Variants in OPHN1 observed in about 807,000 individuals in gnomAD.
The protein encoded by OPHN1 is oligophrenin 1.
A neutral mutation model predicts 60.7 loss-of-function variants in OPHN1; 11 were observed. The observed-to-expected ratio is 0.18, with a 90% CI of 0.11 to 0.30. The LOEUF is 0.30. Among genes scored for constraint, OPHN1 ranks in the 10% least tolerant of loss-of-function variants. The pLI, the probability that OPHN1 is intolerant of heterozygous loss-of-function variation, is 1.00. For synonymous variants in OPHN1, 226 were observed against 222.6 expected (o/e 1.02, Z -0.14); for missense variants, 449 against 611.0 (o/e 0.73, Z 2.80).
chrX:68,213,231 T>G (rs1015753819), intron 7 of OPHN1, among the ~76,000 whole-genome samples: 2 of 110,894 alleles, frequency 1.8e-5, no homozygotes, highest in African/African-American at 6.6e-5. Context: ...ATTAGCTCGG[T>G]ATGGAGGCAT....
intron 10 of OPHN1, among the ~76,000 whole-genome samples, chrX:68,202,411 G>A (rs1018040672): frequency 9.0e-6 from 1 of 111,520 alleles, no homozygotes; most frequent in Admixed American, 9.5e-5. Context: ...GTCTCACCTT[G>A]TTCAGATTCC....
At chrX:68,106,121 A>AGG (rs1206909287) in intron 18 of OPHN1, among the ~76,000 whole-genome samples, 32 of 102,826 alleles carry the variant, frequency 3.1e-4, no homozygotes, top group African/African-American at 1.1e-3. Flanking sequence ...AGAGAGAGAG[A>AGG]GAGATCCGAA....
intron 3 of OPHN1, among the ~76,000 whole-genome samples, chrX:68,287,610 T>C (rs2078051155): frequency 8.9e-6 from 1 of 112,079 alleles, no homozygotes; most frequent in Admixed American, 9.5e-5. Flanking sequence ...TTCACACCCA[T>C]TCTACCCTCA....
chrX:68,145,787 GCTCA>G (rs1352215554), intron 15 of OPHN1, among the ~76,000 whole-genome samples: 1 of 111,802 alleles, frequency 8.9e-6, no homozygotes, highest in Non-Finnish European at 1.9e-5. Flanking sequence ...TCCTTCTACA[GCTCA>G]CTTTGTTTAG....
intron 2 of OPHN1, among the ~76,000 whole-genome samples, chrX:68,427,749 A>G (rs1471299611): frequency 1.8e-5 from 2 of 109,949 alleles, no homozygotes; most frequent in Non-Finnish European, 3.8e-5. Context: ...CCAGACTTGT[A>G]GAGCTGTATC....
chrX:68,406,210 A>G (rs1375169641), intron 2 of OPHN1, among the ~76,000 whole-genome samples: 1 of 111,531 alleles, frequency 9.0e-6, no homozygotes, highest in African/African-American at 3.3e-5. Context: ...TTTCTGGGTC[A>G]GAAAATAAAA....
intron 6 of OPHN1, among the ~76,000 whole-genome samples, chrX:68,214,778 C>T (rs1408846796): frequency 9.0e-6 from 1 of 111,498 alleles, no homozygotes; most frequent in Non-Finnish European, 1.9e-5. Flanking sequence ...GGGTAGATCA[C>T]CTGAGGTCAG....
chrX:68,133,315 T>TCAGG, intron 15 of OPHN1: 1 of 622,269 alleles, frequency 1.6e-6, no homozygotes, highest in Non-Finnish European at 2.7e-6. Context: ...AAGACAAGAT[T>TCAGG]CAGGAGGAGT....
chrX:68,329,045 G>A (rs1602330858), intron 2 of OPHN1, among the ~76,000 whole-genome samples: 1 of 111,693 alleles, frequency 9.0e-6, no homozygotes, highest in East Asian at 2.8e-4. Context: ...AGCCTCCCAA[G>A]TGACTGGGAT....
intron 20 of OPHN1, among the ~76,000 whole-genome samples, chrX:68,068,315 C>CA (rs2076920393): frequency 9.2e-6 from 1 of 108,537 alleles, no homozygotes; most frequent in East Asian, 2.9e-4. Context: ...ACTAAAAATA[C>CA]AAAAAATTAG....
chrX:68,071,146 G>T, intron 20 of OPHN1: 2 of 813,191 alleles, frequency 2.5e-6, no homozygotes, highest in Non-Finnish European at 1.9e-6. Context: ...ACCCAGAATG[G>T]CCAGGAAGGG....
chrX:68,131,562 T>C lies in OPHN1; in HGVS notation c.1277-12230A>G, dbSNP rs746124820. 3.6e-5 allele frequency among the ~76,000 whole-genome samples: 4 copies of C among 112,098 alleles called. No individual in the cohort carries two copies. In the East Asian group the frequency reaches 1.1e-3, roughly 31 times the overall value. On this transcript the variant is annotated intron_variant, in intron 15 of 24. Transcript: ENST00000355520. Reference sequence around the variant, plus strand: ...AAAAGCCATTCTCCAAATAAAGATATGGCAATTATGAATATCTGTGCATAA... The same window carrying C: ...AAAAGCCATTCTCCAAATAAAGATACGGCAATTATGAATATCTGTGCATAA...
chrX:68,413,976 C>T (rs765447013), intron 2 of OPHN1, among the ~76,000 whole-genome samples: 16 of 111,499 alleles, frequency 1.4e-4, no homozygotes, highest in Non-Finnish European at 2.6e-4. Flanking sequence ...AGGCAGTAGA[C>T]CAGGTCCCAT....
At chrX:68,241,853 G>A (rs1304537816) in intron 5 of OPHN1, among the ~76,000 whole-genome samples, 3 of 111,339 alleles carry the variant, frequency 2.7e-5, no homozygotes, top group South Asian at 3.8e-4. Context: ...CTTGGGAGGC[G>A]GAGGTTGCAG....
In OPHN1 at chrX:68,045,916, A is replaced by C. The variant is rs770663724; in HGVS notation, c.*1256T>G. 3.6e-5 allele frequency: 4 copies of C among 111,770 alleles called. No individual in the cohort carries two copies. Among genetic ancestry groups the C allele is most frequent in the Non-Finnish European group, 7.5e-5 (4 of 53,178 alleles). 9.2% of individuals were successfully genotyped at this position (111,770 alleles called of 1,213,427 possible). The stretch of plus-strand genomic sequence containing the variant: ...AACTTGCATAGGAGCCTGGGACCTG[A>C]GATCTTGTACTGGTGTGATCACTAC... On this transcript the variant is annotated 3_prime_UTR_variant, in exon 25 of 25. Coordinates refer to ENST00000355520, the MANE Select transcript of OPHN1 (RefSeq NM_002547.3).
intron 20 of OPHN1, chrX:68,071,263 C>T: frequency 1.4e-6 from 1 of 698,185 alleles, no homozygotes; most frequent in Non-Finnish European, 2.3e-6. Flanking sequence ...GCTGTGGGCT[C>T]TGTGAGCAGT....
intron 2 of OPHN1, among the ~76,000 whole-genome samples, chrX:68,308,799 A>G: frequency 9.1e-6 from 1 of 109,617 alleles, no homozygotes; most frequent in East Asian, 2.9e-4. Context: ...TTGTTTTTTG[A>G]GACAGGGTCT....
chrX:68,051,493 G>A lies in OPHN1; in HGVS notation c.2375+1047C>T, dbSNP rs754657065. ...TTAGTGGGTCTAGAATGAAATCCAGGAATATGTGACTTTTTTCTCCATGTT... is the reference window on the plus strand; with the variant it reads ...TTAGTGGGTCTAGAATGAAATCCAGAAATATGTGACTTTTTTCTCCATGTT... On this transcript the variant is annotated intron_variant, in intron 23 of 24. Transcript: ENST00000355520. 4.7e-4 allele frequency among the ~76,000 whole-genome samples: 53 copies of A among 111,618 alleles called. 1 individual carries two copies. The South Asian group carries it at 0.02, about 43-fold the overall frequency.
intron 15 of OPHN1, chrX:68,133,170 G>A (rs1042309752): frequency 3.5e-5 from 26 of 749,377 alleles, no homozygotes; most frequent in Non-Finnish European, 5.5e-5. Context: ...AGTGAAGCTT[G>A]TGCTTCAGAA....
Sources: allele counts gnomAD v4.1 joint callset (sites outside exome capture counted in the v4.1 genomes callset), GRCh38; gene constraint gnomAD v4.1.1; transcripts MANE v1.5; gene names NCBI Gene and HGNC (gene_info 2026-07-23, HGNC 2026-07-21).